The following TGM6 variants were observed in gnomAD, a reference collection of about 807,000 sequenced individuals.
The protein encoded by TGM6 is protein-glutamine gamma-glutamyltransferase 6.
Under a neutral mutation model 77.5 loss-of-function variants are expected in TGM6, and 74 were observed. The observed-to-expected ratio is 0.96, with a 90% CI of 0.79 to 1.16. The LOEUF is 1.16. Among genes scored for constraint, TGM6 ranks in the 50% most tolerant of loss-of-function variants. TGM6 has a pLI of 0.00. For missense variants in TGM6, 968 were observed against 940.2 expected (o/e 1.03, Z -0.39); for synonymous variants, 383 against 378.9 (o/e 1.01, Z -0.12).
At chr20:2,424,829 C>G (rs2084877398) in intron 10 of TGM6, among the ~76,000 whole-genome samples, 1 of 152,124 alleles carries the variant, frequency 6.6e-6, no homozygotes, top group Non-Finnish European at 1.5e-5. Flanking sequence ...TTAACTTGAA[C>G]ACCTAGAGGC....
At chr20:2,386,685 G>A (rs2084598459) in intron 1 of TGM6, among the ~76,000 whole-genome samples, 1 of 152,094 alleles carries the variant, frequency 6.6e-6, no homozygotes, top group South Asian at 2.1e-4. Flanking sequence ...GGTGGTCTCT[G>A]AGATTCCAGG....
chr20:2,406,858 A>AAC (rs1244259971), intron 9 of TGM6, among the ~76,000 whole-genome samples: 15 of 147,424 alleles, frequency 1.0e-4, no homozygotes, highest in East Asian at 6.0e-4. Context: ...AAAAAAAAAA[A>AAC]AAAAAAAACC....
At position 2,403,539 on chromosome 20, in the gene TGM6, T is replaced by C. The variant is rs757170552; in HGVS notation, c.1093+39T>C. The C allele has an allele frequency of 5.6e-6, 9 of 1,614,010 alleles. No individual in the cohort carries two copies. In the South Asian group the frequency reaches 9.9e-5, roughly 18 times the overall value. ...GGTGGGGTAAGTTCCAGACCCCTGC[T>C]TTTCCTTACCCATGCTGCTCATGCC... On this transcript the variant is annotated intron_variant, in intron 8 of 12. Transcript: ENST00000202625.
intron 10 of TGM6, among the ~76,000 whole-genome samples, chr20:2,426,037 T>C (rs992245070): frequency 1.3e-5 from 2 of 152,214 alleles, no homozygotes; most frequent in Non-Finnish European, 2.9e-5. Flanking sequence ...AATCAGTTTG[T>C]CAATATCCAC....
At chr20:2,395,167 C>G (rs774112747) in intron 2 of TGM6, 27 bp from the exon 3 acceptor site, 7 of 1,609,308 alleles carry the variant, frequency 4.3e-6, no homozygotes, top group Non-Finnish European at 5.9e-6. Flanking sequence ...GGGGAAGGGT[C>G]TCCTGATTCC....
At chr20:2,409,616 G>A (rs552381042) in intron 9 of TGM6, among the ~76,000 whole-genome samples, 2 of 151,854 alleles carry the variant, frequency 1.3e-5, no homozygotes. Flanking sequence ...GGAGGCTGAG[G>A]CAAGAGAATC....
intron 10 of TGM6, among the ~76,000 whole-genome samples, chr20:2,422,477 A>G (rs1296909023): frequency 3.3e-5 from 5 of 152,236 alleles, no homozygotes; most frequent in African/African-American, 9.6e-5. Flanking sequence ...CCACAATAGT[A>G]GGAATATTGC....
chr20:2,402,352 C>T (rs985266338), intron 7 of TGM6, among the ~76,000 whole-genome samples: 1 of 152,128 alleles, frequency 6.6e-6, no homozygotes, highest in Admixed American at 6.5e-5. Flanking sequence ...GGGGAGCGTG[C>T]CAGGAGCCCT....
intron 1 of TGM6, among the ~76,000 whole-genome samples, chr20:2,383,008 A>C (rs2084566738): frequency 6.6e-6 from 1 of 152,208 alleles, no homozygotes; most frequent in Non-Finnish European, 1.5e-5. Context: ...TGGCTGGGAC[A>C]TTGGGTTGGA....
chr20:2,431,855 C>T lies in TGM6; in HGVS notation c.1968-635C>T, dbSNP rs536556412. ...GATGGCTGGTGTTGTCAGGGAAGGTCTCCTGGAAAAAGAGAACTTGATTTG... is the reference window on the plus strand; with the variant it reads ...GATGGCTGGTGTTGTCAGGGAAGGTTTCCTGGAAAAAGAGAACTTGATTTG... On this transcript the variant is annotated intron_variant, in intron 12 of 12. Transcript: ENST00000202625. Among the ~76,000 whole-genome samples the T allele has an allele frequency of 2.6e-5, 4 of 152,156 alleles. No individual in the cohort carries two copies. In the South Asian group the frequency reaches 8.3e-4, roughly 32 times the overall value.
chr20:2,423,114 A>C (rs912807447), intron 10 of TGM6, among the ~76,000 whole-genome samples: 2 of 149,780 alleles, frequency 1.3e-5, no homozygotes, highest in Non-Finnish European at 3.0e-5. Context: ...TACTGTGAGT[A>C]AAATGCTATC....
intron 1 of TGM6, among the ~76,000 whole-genome samples, chr20:2,389,536 C>T (rs894825714): frequency 6.6e-6 from 1 of 152,040 alleles, no homozygotes; most frequent in African/African-American, 2.4e-5. Flanking sequence ...CTTTTTTGTC[C>T]GTAATACCCT....
chr20:2,394,763 C>T (rs1432202858), intron 2 of TGM6, 138 bp downstream of exon 2: 2 of 1,072,990 alleles, frequency 1.9e-6, no homozygotes, highest in Non-Finnish European at 2.7e-6. Flanking sequence ...AGCCTTGAAC[C>T]CTGGAGGCTT....
intron 9 of TGM6, among the ~76,000 whole-genome samples, chr20:2,415,862 A>T (rs1246083142): frequency 6.6e-6 from 1 of 152,102 alleles, no homozygotes; most frequent in Non-Finnish European, 1.5e-5. Flanking sequence ...CTCAAAAGAG[A>T]GGTCTGCACT....
At chr20:2,412,995 G>C (rs2084793709) in intron 9 of TGM6, among the ~76,000 whole-genome samples, 1 of 152,180 alleles carries the variant, frequency 6.6e-6, no homozygotes, top group African/African-American at 2.4e-5. Context: ...CAAAGTTACA[G>C]CTGAGTTTTT....
chr20:2,406,434 A>G (rs1568662346), intron 9 of TGM6, among the ~76,000 whole-genome samples: 1 of 151,098 alleles, frequency 6.6e-6, no homozygotes, highest in Non-Finnish European at 1.5e-5. Flanking sequence ...CAGAGGTTGC[A>G]GTGAGACAAG....
At position 2,399,639 on chromosome 20, in the gene TGM6, T is replaced by C. The variant is rs375649994; in HGVS notation, c.751T>C (p.Trp251Arg). Reference protein sequence around the residue: ...KYGGGTSPLHWRGSVAILQKW... With the variant: ...KYGGGTSPLHRRGSVAILQKW... ...CGGCGGCGGCACCAGCCCGCTGCAC[T>C]GGCGCGGCAGCGTGGCCATTCTGCA... Residue 251 changes from tryptophan (W) to arginine (R), a missense_variant, in exon 6 of 13, where the codon TGG becomes CGG. By Grantham distance (101) the Trp-to-Arg change is moderately radical (BLOSUM62 -3). Coordinates refer to ENST00000202625, the MANE Select transcript of TGM6 (RefSeq NM_198994.3). 224 of 1,613,532 alleles carry C rather than the reference T, an allele frequency of 1.4e-4. No individual in the cohort carries two copies. The African/African-American group carries it at 2.8e-3, about 20-fold the overall frequency.
chr20:2,403,856 C>G, intron 9 of TGM6, 33 bp downstream of exon 9: 1 of 1,613,616 alleles, frequency 6.2e-7, no homozygotes, highest in Non-Finnish European at 8.5e-7. Flanking sequence ...TATTACCTTC[C>G]CCCGGATGGC....
chr20:2,424,024 A>G (rs1158523402), intron 10 of TGM6, among the ~76,000 whole-genome samples: 2 of 152,214 alleles, frequency 1.3e-5, no homozygotes, highest in African/African-American at 4.8e-5. Context: ...ACCATGCTAT[A>G]AACAGATGTG....
Sources: allele counts gnomAD v4.1 joint callset (sites outside exome capture counted in the v4.1 genomes callset), GRCh38; gene constraint gnomAD v4.1.1; transcripts MANE v1.5; gene names NCBI Gene and HGNC (gene_info 2026-07-23, HGNC 2026-07-21).